The following SMG1 variants were observed in gnomAD, a reference collection of about 807,000 sequenced individuals.
SMG1 encodes the protein serine/threonine-protein kinase SMG1.
A neutral mutation model predicts 419.9 loss-of-function variants in SMG1; 22 were observed. That is an observed-to-expected ratio of 0.05 (90% CI 0.04 to 0.07). The LOEUF (loss-of-function observed/expected upper bound fraction) is 0.07. SMG1 is among the 10% of genes least tolerant of loss of function. SMG1 has a pLI of 1.00. For synonymous variants in SMG1, 1,538 were observed against 1,553.5 expected, an observed-to-expected ratio of 0.99 and a Z score of 0.23; for missense variants, 3,185 against 4,342.0, an observed-to-expected ratio of 0.73 and a Z score of 7.49.
Position 18,925,952 on chromosome 16 carries a change from G to A in SMG1, c.90C>T (p.Pro30=). 1 of 1,559,508 alleles carries A rather than the reference G, an allele frequency of 6.4e-7. No individual in the cohort carries two copies. Among genetic ancestry groups the A allele is most frequent in the Non-Finnish European group, 8.6e-7 (1 of 1,159,066 alleles). Residue 30 remains proline, a splice_region_variant and synonymous_variant, in exon 1 of 63, where the codon CCC becomes CCT. Coordinates refer to ENST00000446231, the MANE Select transcript of SMG1 (RefSeq NM_015092.5). ...GGGGTCCCGGGCCGGTCACCCACCT[G>A]GGTTGCCAGTCATTCCAGCTCCGCG... is the stretch of plus-strand genomic sequence containing the variant. ...KYPRSWNDWQ[P]RTDSASADPD...
In SMG1 at chr16:18,839,722, A is replaced by T. The variant is rs780031207; in HGVS notation, c.6921T>A (p.Pro2307=). Residue 2307 remains proline (P), a synonymous_variant, in exon 42 of 63, where the codon CCT becomes CCA. Coordinates refer to ENST00000446231, the MANE Select transcript of SMG1 (RefSeq NM_015092.5). ...CCTGCGTAACTCTCCACCATTCATC[A>T]GGTGTTGTGCAAGATGACCAGAGCT... is the stretch of plus-strand genomic sequence containing the variant. ...AKELWSSCTT[P]DEWWRVTQSY... 5.0e-6 allele frequency: 8 copies of T among 1,614,020 alleles called. No individual in the cohort carries two copies. The highest frequency in any genetic ancestry group is 6.8e-6 in the Non-Finnish European group (8 of 1,179,898).
intron 62 of SMG1, 102 bp downstream of exon 62, chr16:18,811,659 T>A: frequency 9.6e-7 from 1 of 1,038,092 alleles, no homozygotes; most frequent in Non-Finnish European, 1.5e-6. Context: ...CACATTTAAG[T>A]TCCTTGATGA....
At chr16:18,820,864 G>A (rs917052332) in intron 55 of SMG1, among the ~76,000 whole-genome samples, 1 of 152,098 alleles carries the variant, frequency 6.6e-6, no homozygotes, top group Non-Finnish European at 1.5e-5. Flanking sequence ...TTACTACTGA[G>A]TACATGAAGT....
intron 11 of SMG1, chr16:18,879,041 T>C (rs1430881272): frequency 4.9e-6 from 1 of 203,036 alleles, no homozygotes; most frequent in Admixed American, 5.3e-5. Context: ...TAAAAGTAAA[T>C]AGACACTAAA....
chr16:18,922,752 T>A (rs575441715), intron 1 of SMG1, among the ~76,000 whole-genome samples: 10 of 152,102 alleles, frequency 6.6e-5, no homozygotes, highest in African/African-American at 2.4e-4. Flanking sequence ...AGTGCTGGGA[T>A]TACAGGTGTG....
At chr16:18,861,113 T>G (rs147512240) in intron 25 of SMG1, 2,113 of 180,954 alleles carry the variant, frequency 0.012, 42 homozygotes, top group African/African-American at 0.044. Flanking sequence ...CAGGACAACT[T>G]TGACACCCAG....
intron 3 of SMG1, among the ~76,000 whole-genome samples, chr16:18,893,606 C>T (rs903118788): frequency 1.3e-5 from 2 of 149,952 alleles, no homozygotes; most frequent in East Asian, 2.0e-4. Flanking sequence ...GGTGACAGAG[C>T]GAGACTGTCT....
intron 62 of SMG1, among the ~76,000 whole-genome samples, chr16:18,810,009 G>T (rs1274047119): frequency 6.6e-6 from 1 of 151,582 alleles, no homozygotes; most frequent in Admixed American, 6.6e-5. Flanking sequence ...CCCAAGAAGA[G>T]TTCAAGTCTA....
chr16:18,851,977 TTCAG>T (rs2034629369), intron 33 of SMG1, 86 bp downstream of exon 33: 3 of 1,332,544 alleles, frequency 2.3e-6, no homozygotes, highest in South Asian at 3.2e-5. Flanking sequence ...GTAAGCCCCA[TTCAG>T]TATTTTATCA....
intron 1 of SMG1, among the ~76,000 whole-genome samples, chr16:18,921,582 TTGCGGTTTTTGC>T (rs2142030426): frequency 6.6e-6 from 1 of 152,232 alleles, no homozygotes; most frequent in Admixed American, 6.5e-5. Context: ...GTGAAAGTAA[TTGCGGTTTTTGC>T]CAAAACCGCA....
rs1402426128 is a variant in SMG1, at chr16:18,903,045, G to A, written c.93-6089C>T. Among the ~76,000 whole-genome samples the A allele has an allele frequency of 3.3e-5, 5 of 152,114 alleles. No individual in the cohort carries two copies. In the East Asian group the frequency reaches 9.7e-4, roughly 29 times the overall value. On this transcript the variant is annotated intron_variant, in intron 1 of 62. Transcript: ENST00000446231. ...CCAAAATGTTACCCAAGCTGGTCTC[G>A]CACTCCTGGGCTCAAGTGATCCACT...
intron 3 of SMG1, among the ~76,000 whole-genome samples, chr16:18,893,601 C>CA (rs2036981054): frequency 6.6e-6 from 1 of 151,964 alleles, no homozygotes; most frequent in African/African-American, 2.4e-5. Flanking sequence ...GCCTGGGTGA[C>CA]AGAGCGAGAC....
intron 60 of SMG1, among the ~76,000 whole-genome samples, chr16:18,813,690 G>T (rs936153004): frequency 2.0e-5 from 3 of 151,954 alleles, no homozygotes; most frequent in African/African-American, 7.3e-5. Context: ...TTCAATTTTG[G>T]CTTTTGTTGC....
chr16:18,917,569 C>CT (rs2038026740), intron 1 of SMG1, among the ~76,000 whole-genome samples: 2 of 151,982 alleles, frequency 1.3e-5, no homozygotes, highest in African/African-American at 4.8e-5. Context: ...TGCACGCACT[C>CT]TAACACACAC....
At chr16:18,840,364 AGATAGCCC>A (rs1206891641) in intron 41 of SMG1, among the ~76,000 whole-genome samples, 1 of 152,270 alleles carries the variant, frequency 6.6e-6, no homozygotes, top group Non-Finnish European at 1.5e-5. Flanking sequence ...ATGAGAATTT[AGATAGCCC>A]TTCTCTAATT....
rs372575019 is a variant in SMG1, at chr16:18,834,982, C to T, written c.8240G>A (p.Arg2747His). Residue 2747 changes from arginine (R) to histidine (H), a missense_variant, in exon 49 of 63, where the codon CGT becomes CAT. Transcript: ENST00000446231. ...CTCATGAAGGAAAACTTTAATGCAA[C>T]GTTCAATTTCTTTCAACTGATCTTC... ...VCEDQLKEIE[R>H]CIKVFLHENG... 17 of 1,613,864 alleles carry T rather than the reference C, an allele frequency of 1.1e-5. No homozygotes were observed. In the African/African-American group the frequency reaches 1.7e-4, roughly 16 times the overall value.
intron 1 of SMG1, among the ~76,000 whole-genome samples, chr16:18,906,483 C>A (rs527459675): frequency 3.9e-5 from 6 of 151,950 alleles, no homozygotes; most frequent in African/African-American, 1.5e-4. Context: ...AGCGAAACTC[C>A]GTCTCGGGGT....
chr16:18,882,868 G>A (rs1273927322), intron 9 of SMG1, among the ~76,000 whole-genome samples: 11 of 152,204 alleles, frequency 7.2e-5, no homozygotes, highest in Admixed American at 3.3e-4. Flanking sequence ...ACCAATGTAT[G>A]CATCTACCTA....
rs996597820 is a variant in SMG1 at position 18,926,134 on chromosome 16, C to T, written c.-93G>A. 9.1e-5 allele frequency: 108 copies of T among 1,187,464 alleles called. No individual in the cohort carries two copies. The highest frequency in any genetic ancestry group is 1.2e-4 in the Non-Finnish European group (103 of 870,476). The allele number at this position is 1,187,464 out of a possible 1,614,324, so 73.6% of individuals were successfully genotyped here. ...CCGCCGCCGACACCCCGCTCCGGCC[C>T]GGGGCTGAGGAGGAAGCCGAGAAGG... On this transcript the variant is annotated 5_prime_UTR_variant, in exon 1 of 63. Coordinates refer to ENST00000446231, the MANE Select transcript of SMG1 (RefSeq NM_015092.5).
Sources: gnomAD v4.1 joint callset for allele counts (sites outside exome capture counted in the v4.1 genomes callset) on GRCh38, gnomAD v4.1.1 for gene constraint, MANE v1.5 for transcripts, NCBI Gene and HGNC (gene_info 2026-07-23, HGNC 2026-07-21) for gene names.